PEBP4: variants seen among roughly 807,000 people sequenced by gnomAD.
The protein encoded by PEBP4 is phosphatidylethanolamine binding protein 4.
A neutral mutation model predicts 23.9 loss-of-function variants in PEBP4; 22 were observed. That is an observed-to-expected ratio of 0.92 (90% CI 0.66 to 1.31). The LOEUF is 1.31. Ranked by LOEUF, PEBP4 falls within the 40% of genes most tolerant of loss-of-function variation. The pLI, the probability that PEBP4 is intolerant of heterozygous loss-of-function variation, is 0.00. For missense variants in PEBP4, 324 were observed against 281.7 expected (o/e 1.15, Z -1.07); for synonymous variants, 112 against 99.3 (o/e 1.13, Z -0.76).
intron 6 of PEBP4, among the ~76,000 whole-genome samples, chr8:22,723,573 G>A (rs1168157693): frequency 2.0e-5 from 3 of 152,214 alleles, no homozygotes; most frequent in Non-Finnish European, 4.4e-5. Context: ...CTGAGGTCCC[G>A]ACATCTTTGG....
intron 4 of PEBP4, among the ~76,000 whole-genome samples, chr8:22,738,802 G>A (rs1039523973): frequency 1.3e-5 from 2 of 152,034 alleles, no homozygotes; most frequent in African/African-American, 4.8e-5. Flanking sequence ...CATGCACAGA[G>A]GCACAAGCTC....
chr8:22,845,602 C>T (rs1807415931), intron 3 of PEBP4, among the ~76,000 whole-genome samples: 1 of 152,180 alleles, frequency 6.6e-6, no homozygotes, highest in African/African-American at 2.4e-5. Context: ...CTTGCCATTC[C>T]ATGAGTCTGT....
At chr8:22,885,443 C>G (rs992774736) in intron 3 of PEBP4, 2 of 152,264 alleles carry the variant, frequency 1.3e-5, no homozygotes. Flanking sequence ...CAGGCTGGCA[C>G]TGGCCTTTCC....
chr8:22,767,639 G>C (rs1437633869), intron 4 of PEBP4, among the ~76,000 whole-genome samples: 6 of 152,052 alleles, frequency 3.9e-5, no homozygotes, highest in Non-Finnish European at 5.9e-5. Flanking sequence ...GTGTGTGGGA[G>C]ACTCTTGGGG....
chr8:22,722,502 T>C (rs913637928), intron 6 of PEBP4, among the ~76,000 whole-genome samples: 8 of 152,220 alleles, frequency 5.3e-5, no homozygotes, highest in African/African-American at 1.9e-4. Context: ...GGGAAAGGTA[T>C]GACAGGAAGG....
intron 2 of PEBP4, among the ~76,000 whole-genome samples, chr8:22,925,972 T>C (rs1809318839): frequency 6.6e-6 from 1 of 152,104 alleles, no homozygotes; most frequent in South Asian, 2.1e-4. Flanking sequence ...TTCTTGCTTG[T>C]TTGTTTTTTT....
intron 6 of PEBP4, among the ~76,000 whole-genome samples, chr8:22,714,680 G>A (rs1232249464): frequency 6.6e-6 from 1 of 152,024 alleles, no homozygotes; most frequent in Admixed American, 6.6e-5. Context: ...TACCCAGACA[G>A]AAGAGGGCAA....
intron 4 of PEBP4, among the ~76,000 whole-genome samples, chr8:22,786,824 CTT>C (rs112542901): frequency 4.7e-4 from 67 of 142,280 alleles, no homozygotes; most frequent in Non-Finnish European, 4.6e-4. Flanking sequence ...CCCCCTACCG[CTT>C]TTTTTTTTTT....
intron 4 of PEBP4, among the ~76,000 whole-genome samples, chr8:22,735,042 G>T (rs1452995520): frequency 6.6e-6 from 1 of 152,218 alleles, no homozygotes; most frequent in East Asian, 1.9e-4. Context: ...AGCTGTGTGT[G>T]TGTGATAGTA....
chr8:22,832,055 G>A (rs990751002), intron 3 of PEBP4, among the ~76,000 whole-genome samples: 3 of 152,148 alleles, frequency 2.0e-5, no homozygotes, highest in African/African-American at 4.8e-5. Context: ...GGATAAGAAT[G>A]GGCACGATAA....
At chr8:22,871,552 ATTT>A (rs35759089) in intron 3 of PEBP4, among the ~76,000 whole-genome samples, 2 of 115,292 alleles carry the variant, frequency 1.7e-5, no homozygotes, top group Non-Finnish European at 1.7e-5. Context: ...GATTTCTGGG[ATTT>A]TTTTTTTTTT....
chr8:22,867,434 G>A (rs1807929428), intron 3 of PEBP4, among the ~76,000 whole-genome samples: 1 of 152,160 alleles, frequency 6.6e-6, no homozygotes, highest in Non-Finnish European at 1.5e-5. Flanking sequence ...GTGCCGTTCT[G>A]CCCATCTCAC....
intron 3 of PEBP4, among the ~76,000 whole-genome samples, chr8:22,890,885 T>C (rs1808479044): frequency 6.6e-6 from 1 of 152,206 alleles, no homozygotes; most frequent in Non-Finnish European, 1.5e-5. Context: ...TGGAATGCAA[T>C]GGAGCAATCT....
intron 2 of PEBP4, chr8:22,925,039 G>T (rs1477775109): frequency 4.1e-6 from 4 of 985,208 alleles, no homozygotes; most frequent in Non-Finnish European, 4.8e-6. Flanking sequence ...AGCCTGAGCC[G>T]AGTGGGGATC....
At chr8:22,918,384 C>A (rs1346003002) in intron 3 of PEBP4, among the ~76,000 whole-genome samples, 1 of 152,172 alleles carries the variant, frequency 6.6e-6, no homozygotes, top group East Asian at 1.9e-4. Flanking sequence ...TTTCTCCCCA[C>A]CCCACCCCCG....
In PEBP4 at chr8:22,905,019, C is replaced by G. The variant is rs371974220; in HGVS notation, c.258+15165G>C. ...AATTCCTAGAGCTAAAATTACTGCT[C>G]AAACACAATGGACATGCTAATGACT... is the stretch of plus-strand genomic sequence containing the variant. On this transcript the variant is annotated intron_variant, in intron 3 of 6. Transcript: ENST00000256404. Among the ~76,000 whole-genome samples, 9 of 152,248 alleles carry G rather than the reference C, an allele frequency of 5.9e-5. No homozygotes were observed. The East Asian group carries it at 9.6e-4, about 16-fold the overall frequency.
At chr8:22,879,967 T>G (rs1341360118) in intron 3 of PEBP4, among the ~76,000 whole-genome samples, 2 of 152,230 alleles carry the variant, frequency 1.3e-5, no homozygotes, top group African/African-American at 4.8e-5. Flanking sequence ...ATTTTTGTTG[T>G]GGCGGTTGTC....
chr8:22,790,098 C>G (rs1183272646), intron 4 of PEBP4, among the ~76,000 whole-genome samples: 2 of 152,212 alleles, frequency 1.3e-5, no homozygotes, highest in Non-Finnish European at 2.9e-5. Flanking sequence ...CCCATCAACC[C>G]TCTCTAAGTC....
At chr8:22,791,314 G>A (rs1026107109) in intron 4 of PEBP4, among the ~76,000 whole-genome samples, 24 of 152,142 alleles carry the variant, frequency 1.6e-4, no homozygotes, top group African/African-American at 5.3e-4. Context: ...ACCCGCAAAT[G>A]GTAGAGAGAG....
Sources: gnomAD v4.1 joint callset for allele counts (sites outside exome capture counted in the v4.1 genomes callset) on GRCh38, gnomAD v4.1.1 for gene constraint, MANE v1.5 for transcripts, NCBI Gene and HGNC (gene_info 2026-07-23, HGNC 2026-07-21) for gene names.